The following KIF26A variants were observed in gnomAD, a reference collection of about 807,000 sequenced individuals.
KIF26A encodes kinesin-like protein KIF26A.
KIF26A carries 74 observed loss-of-function variants against 126.0 expected under a neutral mutation model. That is an observed-to-expected ratio of 0.59 (90% CI 0.49 to 0.71). The LOEUF (loss-of-function observed/expected upper bound fraction) is 0.71, where lower values mean the gene tolerates loss of function less well. Ranked by LOEUF, KIF26A falls within the 30% of genes least tolerant of loss-of-function variation. The probability of loss-of-function intolerance (pLI) is 0.00; values close to 1 mark genes in which losing one functional copy is unlikely to be tolerated. For missense variants in KIF26A, 2,984 were observed against 2,763.3 expected (o/e 1.08, Z -1.79); for synonymous variants, 1,445 against 1,232.7 (o/e 1.17, Z -3.61).
chr14:104,178,095 G>T (rs190679386), intron 12 of KIF26A, among the ~76,000 whole-genome samples, 197 bp downstream of exon 12: 1 of 152,248 alleles, frequency 6.6e-6, no homozygotes, highest in Non-Finnish European at 1.5e-5. Flanking sequence ...GCCCTCTGCA[G>T]TTTATAAACC....
chr14:104,168,307 G>A (rs1261845617), intron 5 of KIF26A, among the ~76,000 whole-genome samples: 1 of 152,176 alleles, frequency 6.6e-6, no homozygotes, highest in African/African-American at 2.4e-5. Context: ...CTGCCCGCCC[G>A]GTGATGTAGC....
At chr14:104,174,081 C>G in intron 10 of KIF26A, 67 bp from the exon 11 acceptor site, 3 of 1,459,572 alleles carry the variant, frequency 2.1e-6, no homozygotes, top group Non-Finnish European at 2.7e-6. Context: ...CCAGGGCTGC[C>G]CTTGGCCAGC....
chr14:104,177,934 G>T, intron 12 of KIF26A, 36 bp downstream of exon 12: 1 of 1,462,494 alleles, frequency 6.8e-7, no homozygotes, highest in South Asian at 1.5e-5. Context: ...TACAGTTTAC[G>T]GGCTTTCTGT....
Position 104,167,052 on chromosome 14 carries a change from G to A in KIF26A, c.1113+4G>A. The A allele has an allele frequency of 6.5e-7, 1 of 1,535,764 alleles. No homozygotes were observed. The highest frequency in any genetic ancestry group is 1.2e-5 in the South Asian group (1 of 82,340). On this transcript the variant is annotated splice_donor_region_variant and intron_variant, in intron 5 of 14. Coordinates refer to ENST00000423312, the MANE Select transcript of KIF26A (RefSeq NM_015656.2). ...CAACCCTGGCAGCATCGGGAAGGTA[G>A]ACGCAGCCCCGAGTTCGGGGCCCTG...
intron 2 of KIF26A, 113 bp downstream of exon 2, chr14:104,139,401 CAA>C (rs1040337621): frequency 1.8e-4 from 233 of 1,264,392 alleles, no homozygotes; most frequent in Non-Finnish European, 2.3e-4. Flanking sequence ...GCTGTTTCCA[CAA>C]AGAGTTATCA....
At chr14:104,170,240 C>G (rs1483338757) in intron 5 of KIF26A, among the ~76,000 whole-genome samples, 2 of 152,190 alleles carry the variant, frequency 1.3e-5, no homozygotes, top group African/African-American at 2.4e-5. Flanking sequence ...GGGAAGTGCA[C>G]GTTTTCGTCT....
intron 13 of KIF26A, 77 bp downstream of exon 13, chr14:104,178,832 G>A (rs542616914): frequency 8.6e-6 from 7 of 813,936 alleles, no homozygotes; most frequent in East Asian, 2.8e-5. Flanking sequence ...GCCATTTGAT[G>A]GGCTCGCCAG....
chr14:104,146,987 G>A (rs1432185930), intron 2 of KIF26A, among the ~76,000 whole-genome samples: 2 of 152,086 alleles, frequency 1.3e-5, no homozygotes, highest in Non-Finnish European at 2.9e-5. Flanking sequence ...AGAGGTTTCC[G>A]GGTTTCTGCC....
chr14:104,176,679 A>G lies in KIF26A; in HGVS notation c.3891A>G (p.Pro1297=). The change falls in exon 12 of 15, where the codon CCA becomes CCG. Residue 1297 remains proline, a synonymous_variant. Coordinates refer to ENST00000423312, the MANE Select transcript of KIF26A (RefSeq NM_015656.2). The part of the protein sequence containing the change: ...CEVAARAARR[P]EAVARIPPLR... ...TGGCAGCCAGGGCGGCCCGCAGGCC[A>G]GAGGCTGTGGCTCGGATCCCACCGC... 1 of 1,596,844 alleles carries G rather than the reference A, an allele frequency of 6.3e-7. No homozygotes were observed. Among genetic ancestry groups the G allele is most frequent in the South Asian group, 1.1e-5 (1 of 89,764 alleles).
At position 104,179,352 on chromosome 14, in the gene KIF26A, G is replaced by C; in HGVS notation, c.5433G>C (p.Arg1811=). 6.5e-7 allele frequency: 1 copy of C among 1,537,912 alleles called. No homozygotes were observed. The highest frequency in any genetic ancestry group is 8.7e-7 in the Non-Finnish European group (1 of 1,145,378). The change falls in exon 14 of 15, where the codon CGG becomes CGC. Residue 1811 remains arginine (R), a synonymous_variant. Coordinates refer to ENST00000423312, the MANE Select transcript of KIF26A (RefSeq NM_015656.2). ...LCEELAETQG[R]LMLEPGRWLE... Reference sequence around the variant, plus strand: ...AGGAGCTGGCCGAGACCCAGGGCCGGCTGATGCTGGAGCCTGGCCGCTGGC... The same window carrying C: ...AGGAGCTGGCCGAGACCCAGGGCCGCCTGATGCTGGAGCCTGGCCGCTGGC...
At chr14:104,150,136 G>GTCCCCCTCCCCCTCCTCC (rs2037713307) in intron 2 of KIF26A, among the ~76,000 whole-genome samples, 1 of 16,588 alleles carries the variant, frequency 6.0e-5, no homozygotes, top group Non-Finnish European at 1.2e-4. Flanking sequence ...CCCCCTCCCC[G>GTCCCCCTCCCCCTCCTCC]TCCCCCTCCC....
chr14:104,151,269 G>T lies in KIF26A; in HGVS notation c.289-746G>T, dbSNP rs2037726653. Among the ~76,000 whole-genome samples the T allele has an allele frequency of 6.6e-6, 1 of 152,114 alleles. No homozygotes were observed. Among genetic ancestry groups the T allele is most frequent in the Admixed American group, 6.6e-5 (1 of 15,266 alleles). ...TGGCTCTTGTTTTTAGCCGTTTCTAGAACCCAGTCTCAGGGTTCTAGAGAA... is the reference window on the plus strand; with the variant it reads ...TGGCTCTTGTTTTTAGCCGTTTCTATAACCCAGTCTCAGGGTTCTAGAGAA... On this transcript the variant is annotated intron_variant, in intron 2 of 14. Coordinates refer to ENST00000423312, the MANE Select transcript of KIF26A (RefSeq NM_015656.2). The surrounding 1 kb of genome is among the most constrained non-coding windows in gnomAD (Gnocchi z 4.9).
Position 104,177,299 on chromosome 14 carries a change from T to G in KIF26A, c.4511T>G (p.Val1504Gly), listed in dbSNP as rs566719068. Residue 1504 changes from valine to glycine, a missense_variant, in exon 12 of 15, where the codon GTG (valine) becomes GGG (glycine). Coordinates refer to ENST00000423312, the MANE Select transcript of KIF26A (RefSeq NM_015656.2). ...PVGGGKGRGL[V>G]AGGSRALGPS... ...GGTGGAGGCAAGGGCCGTGGCCTAG[T>G]GGCTGGTGGGTCGCGGGCTCTGGGG... 214 of 1,573,640 alleles carry G rather than the reference T, an allele frequency of 1.4e-4. No individual in the cohort carries two copies. Among genetic ancestry groups the G allele is most frequent in the Non-Finnish European group, 1.4e-5 (16 of 1,163,208 alleles).
chr14:104,164,759 G>A (rs1023201262), intron 4 of KIF26A, among the ~76,000 whole-genome samples: 13 of 130,916 alleles, frequency 9.9e-5, no homozygotes, highest in East Asian at 1.9e-4. Flanking sequence ...GTGTGTGTGC[G>A]CGTGTCTGTG....
At position 104,151,962 on chromosome 14, in the gene KIF26A, C is replaced by T; in HGVS notation, c.289-53C>T. On this transcript the variant is annotated intron_variant, in intron 2 of 14. Coordinates refer to ENST00000423312, the MANE Select transcript of KIF26A (RefSeq NM_015656.2). This position sits in a 1 kb window ranked among gnomAD's most constrained non-coding sequence, Gnocchi z 4.9. ...TGAGAGTGCTGGTGGGCTCTGGGTG[C>T]CGGCCCTCCCTCCCCAGGCACTGAC... 6.5e-7 allele frequency: 1 copy of T among 1,547,342 alleles called. No homozygotes were observed. The highest frequency in any genetic ancestry group is 1.7e-5 in the Admixed American group (1 of 59,588).
In KIF26A at chr14:104,179,296, G is replaced by A. The variant is rs2038073955; in HGVS notation, c.5377G>A (p.Glu1793Lys). Residue 1793 changes from glutamate to lysine, a missense_variant, in exon 14 of 15, where the codon GAG (glutamate) becomes AAG (lysine). By Grantham distance (56) the Glu-to-Lys change is moderately conservative. Coordinates refer to ENST00000423312, the MANE Select transcript of KIF26A (RefSeq NM_015656.2). Reference protein sequence around the residue: ...LAERRQQRLREVQAKHKHLCE... With the variant: ...LAERRQQRLRKVQAKHKHLCE... Reference sequence around the variant, plus strand: ...GGAGCGCAGGCAGCAGCGGCTGCGGGAGGTGCAGGCCAAGCACAAGCACCT... The same window carrying A: ...GGAGCGCAGGCAGCAGCGGCTGCGGAAGGTGCAGGCCAAGCACAAGCACCT... 6.5e-7 allele frequency: 1 copy of A among 1,536,536 alleles called. No individual in the cohort carries two copies. Among genetic ancestry groups the A allele is most frequent in the East Asian group, 2.5e-5 (1 of 40,730 alleles).
chr14:104,174,016 T>C, intron 10 of KIF26A, 132 bp from the exon 11 acceptor site: 1 of 1,391,574 alleles, frequency 7.2e-7, no homozygotes, highest in South Asian at 1.5e-5. Context: ...GCCCGTGGGC[T>C]GCCTGGGGCC....
At position 104,174,292 on chromosome 14, in the gene KIF26A, G is replaced by A. The variant is rs929397407; in HGVS notation, c.2175G>A (p.Leu725=). The A allele has an allele frequency of 6.4e-7, 1 of 1,552,166 alleles. No individual in the cohort carries two copies. The highest frequency in any genetic ancestry group is 1.9e-5 in the Admixed American group (1 of 52,446). Residue 725 remains leucine (L), a synonymous_variant, in exon 11 of 15, where the codon CTG becomes CTA. Transcript: ENST00000423312. ...AGCTCGCCGCCCGCATCCACCGCCT[G>A]CGCAGGAAGAAGGCCAAGGTGCTCC... ...TVQLAARIHR[L]RRKKAKYASS... is the part of the protein sequence containing the mutation.
rs1260002333 is a variant in KIF26A at position 104,165,522 on chromosome 14, TGTGTGTATCTTTGTGTCTATGC to T, written c.924-1330_924-1309del. On this transcript the variant is annotated intron_variant, in intron 4 of 14. Coordinates refer to ENST00000423312, the MANE Select transcript of KIF26A (RefSeq NM_015656.2). The stretch of plus-strand genomic sequence containing the variant: ...GTGTGTCTGTGTGTCTCTGTATGCA[TGTGTGTATCTTTGTGTCTATGC>T]GTGTGTGTGTGTCTGTGTGTTTCTG... Among the ~76,000 whole-genome samples, 554 of 120,692 alleles carry T rather than the reference TGTGTGTATCTTTGTGTCTATGC, an allele frequency of 4.6e-3. 6 individuals are homozygous for T. The highest frequency in any genetic ancestry group is 0.012 in the Middle Eastern group (3 of 258). The allele number at this position is 120,692 out of a possible 152,430, so 79.2% of individuals were successfully genotyped here.
Sources: allele counts gnomAD v4.1 joint callset (sites outside exome capture counted in the v4.1 genomes callset), GRCh38; gene constraint gnomAD v4.1.1; non-coding constraint Gnocchi (gnomAD v3.1); transcripts MANE v1.5; gene names NCBI Gene and HGNC (gene_info 2026-07-23, HGNC 2026-07-21).